Variants in FAM168A observed in about 807,000 individuals in gnomAD.
The protein encoded by FAM168A is protein FAM168A.
In FAM168A, 3 loss-of-function variants were observed where a neutral mutation model predicts 28.5. The ratio of observed to expected loss-of-function variants is 0.11; its 90% confidence interval spans 0.05 to 0.27. FAM168A has a LOEUF of 0.27. FAM168A is among the 10% of genes least tolerant of loss of function. The pLI is 1.00. For synonymous variants in FAM168A, 122 were observed against 124.2 expected (o/e 0.98, Z 0.12); for missense variants, 222 against 311.5 (o/e 0.71, Z 2.16).
intron 1 of FAM168A, among the ~76,000 whole-genome samples, chr11:73,508,592 G>C (rs1487029308): frequency 6.6e-6 from 1 of 152,032 alleles, no homozygotes; most frequent in Non-Finnish European, 1.5e-5. Flanking sequence ...AGAATACCAG[G>C]GGTGGGTAGG....
intron 1 of FAM168A, among the ~76,000 whole-genome samples, chr11:73,484,029 G>A (rs1868004602): frequency 1.3e-5 from 2 of 152,146 alleles, no homozygotes; most frequent in Non-Finnish European, 2.9e-5. Context: ...CTTCTCAGTC[G>A]TTAAAGAAGC....
chr11:73,586,751 G>A (rs1464329413), intron 1 of FAM168A, among the ~76,000 whole-genome samples: 1 of 152,092 alleles, frequency 6.6e-6, no homozygotes, highest in Non-Finnish European at 1.5e-5. Flanking sequence ...TACTGCAAAT[G>A]TACCAGGCTA....
At chr11:73,541,741 A>G (rs2134677711) in intron 1 of FAM168A, among the ~76,000 whole-genome samples, 1 of 152,342 alleles carries the variant, frequency 6.6e-6, no homozygotes. Context: ...TGTTATGATG[A>G]TTAAATGAGA....
intron 2 of FAM168A, among the ~76,000 whole-genome samples, chr11:73,445,419 C>CTCTCTCTTTT (rs776745757): frequency 6.3e-4 from 32 of 50,468 alleles, no homozygotes; most frequent in African/African-American, 2.2e-3. Context: ...AAAAATGTCT[C>CTCTCTCTTTT]TTTTTTTTTT....
intron 1 of FAM168A, among the ~76,000 whole-genome samples, chr11:73,572,076 T>G (rs1312597317): frequency 6.7e-6 from 1 of 150,170 alleles, no homozygotes. Context: ...GTCTGGGAAG[T>G]GAGGAGCCCC....
chr11:73,466,597 G>A (rs1021423423), intron 2 of FAM168A, among the ~76,000 whole-genome samples: 7 of 152,014 alleles, frequency 4.6e-5, no homozygotes, highest in Admixed American at 4.6e-4. Context: ...TTTGGCATTT[G>A]TTTATAAATT....
intron 1 of FAM168A, among the ~76,000 whole-genome samples, chr11:73,562,699 C>T (rs997349682): frequency 1.3e-5 from 2 of 151,978 alleles, no homozygotes; most frequent in Non-Finnish European, 2.9e-5. Context: ...TGATGGTGGG[C>T]GCCTGTAATC....
intron 1 of FAM168A, among the ~76,000 whole-genome samples, chr11:73,524,443 A>G (rs1416039842): frequency 6.6e-6 from 1 of 152,004 alleles, no homozygotes; most frequent in Admixed American, 6.5e-5. Context: ...AATCATTAAA[A>G]AAATAAAATT....
Position 73,483,961 on chromosome 11 carries a change from T to C in FAM168A, c.-18-15469A>G, listed in dbSNP as rs116854290. Among the ~76,000 whole-genome samples the C allele has an allele frequency of 5.9e-3, 895 of 152,290 alleles. 8 individuals carry two copies. The highest frequency in any genetic ancestry group is 0.027 in the Middle Eastern group (8 of 294). ...GGAAGTATAATAGCACAAGAGAATA[T>C]TGTCAGATGTAATAATTCAGAGCCA... On this transcript the variant is annotated intron_variant, in intron 1 of 7. Transcript: ENST00000356467.
intron 1 of FAM168A, among the ~76,000 whole-genome samples, chr11:73,555,580 C>T (rs188273916): frequency 6.6e-6 from 1 of 151,774 alleles, no homozygotes; most frequent in Non-Finnish European, 1.5e-5. Context: ...TGGTCATGGG[C>T]GCCTGTAAAA....
intron 1 of FAM168A, among the ~76,000 whole-genome samples, chr11:73,476,237 C>T (rs574489537): frequency 2.0e-5 from 3 of 152,202 alleles, no homozygotes; most frequent in African/African-American, 4.8e-5. Context: ...TCCTGGCCTG[C>T]GTTTAATCAG....
At chr11:73,510,845 A>C in intron 1 of FAM168A, 1 of 344,196 alleles carries the variant, frequency 2.9e-6, no homozygotes, top group Non-Finnish European at 5.2e-6. Flanking sequence ...ATGTAATCAG[A>C]AACAAGCTGC....
rs1866420518 is a variant in FAM168A, at chr11:73,401,987, C to CTG, written c.*4775_*4776insCA. On this transcript the variant is annotated 3_prime_UTR_variant, in exon 8 of 8. Transcript: ENST00000356467. Reference sequence around the variant, plus strand: ...ATAAGTAAAGGACAAACCCTGCAGCCCCCTTGGCATGCCTGCCTGTGCGCT... The same window carrying CTG: ...ATAAGTAAAGGACAAACCCTGCAGCCTGCCCTTGGCATGCCTGCCTGTGCGCT... The CTG allele has an allele frequency of 6.6e-6, 1 of 152,236 alleles. No homozygotes were observed. The highest frequency in any genetic ancestry group is 1.5e-5 in the Non-Finnish European group (1 of 68,052). The allele number at this position is 152,236 out of a possible 1,614,324, so 9.4% of individuals were successfully genotyped here.
At chr11:73,564,108 A>G (rs1432874708) in intron 1 of FAM168A, among the ~76,000 whole-genome samples, 3 of 152,216 alleles carry the variant, frequency 2.0e-5, no homozygotes, top group African/African-American at 7.2e-5. Flanking sequence ...GGTCTTCTAT[A>G]GCGGCTTACA....
chr11:73,544,158 G>A (rs967949822), intron 1 of FAM168A, among the ~76,000 whole-genome samples: 2 of 152,146 alleles, frequency 1.3e-5, no homozygotes, highest in Admixed American at 6.6e-5. Context: ...ATAGTAACAA[G>A]GTGAGCAATG....
chr11:73,506,183 A>C (rs1855112044), intron 1 of FAM168A, among the ~76,000 whole-genome samples: 1 of 152,162 alleles, frequency 6.6e-6, no homozygotes, highest in Admixed American at 6.5e-5. Flanking sequence ...GGTAAATTAT[A>C]CATCAGAAAC....
intron 1 of FAM168A, among the ~76,000 whole-genome samples, chr11:73,593,296 T>G (rs1263381453): frequency 6.6e-6 from 1 of 152,214 alleles, no homozygotes; most frequent in Non-Finnish European, 1.5e-5. Flanking sequence ...CTTCAATTTG[T>G]TATTCTTTAA....
chr11:73,538,523 C>T (rs1943611729), intron 1 of FAM168A, among the ~76,000 whole-genome samples: 1 of 152,174 alleles, frequency 6.6e-6, no homozygotes, highest in Admixed American at 6.5e-5. Flanking sequence ...GCCAGTCAGG[C>T]ACACATCACA....
intron 1 of FAM168A, among the ~76,000 whole-genome samples, chr11:73,469,171 G>T (rs535770808): frequency 6.6e-6 from 1 of 152,290 alleles, no homozygotes; most frequent in Admixed American, 6.5e-5. Context: ...TGTGCAATAA[G>T]TATCACCTGC....
Sources: gnomAD v4.1 joint callset for allele counts (sites outside exome capture counted in the v4.1 genomes callset) on GRCh38, gnomAD v4.1.1 for gene constraint, MANE v1.5 for transcripts, NCBI Gene and HGNC (gene_info 2026-07-23, HGNC 2026-07-21) for gene names.